Variants in HGSNAT observed in about 807,000 individuals in gnomAD.
HGSNAT encodes the protein transmembrane protein 76.
HGSNAT carries 59 observed loss-of-function variants against 85.2 expected under a neutral mutation model. That is an observed-to-expected ratio of 0.69 (90% confidence interval 0.56 to 0.86). The LOEUF (loss-of-function observed/expected upper bound fraction) is 0.86, where lower values mean the gene tolerates loss of function less well. Among genes scored for constraint, HGSNAT ranks in the 40% least tolerant of loss-of-function variants. The pLI is 0.00. For synonymous variants in HGSNAT, 321 were observed against 304.5 expected (o/e 1.05, Z -0.56); for missense variants, 756 against 777.1 (o/e 0.97, Z 0.32).
At chr8:43,161,410 G>T in intron 4 of HGSNAT, 28 bp from the exon 5 acceptor site, 1 of 1,584,794 alleles carries the variant, frequency 6.3e-7, no homozygotes, top group East Asian at 2.2e-5. Flanking sequence ...ATTTTTGGGG[G>T]CTAATGTGTT....
At chr8:43,193,977 T>G in intron 14 of HGSNAT, 134 bp downstream of exon 14, 1 of 1,435,934 alleles carries the variant, frequency 7.0e-7, no homozygotes, top group South Asian at 1.6e-5. Context: ...TTCTGTTATC[T>G]TTGACAGATT....
rs1368420071 is a variant in HGSNAT at position 43,159,051 on chromosome 8, A to G, written c.493+7A>G. ...CCAGTTGATAGTAACCTTCGTACGT[A>G]TATGTTCTCTGCTGATTTTCACATT... On this transcript the variant is annotated splice_region_variant and intron_variant, in intron 4 of 17. Coordinates refer to ENST00000379644, the MANE Select transcript of HGSNAT (RefSeq NM_152419.3). The G allele has an allele frequency of 1.2e-6, 2 of 1,608,560 alleles. No individual in the cohort carries two copies. The highest frequency in any genetic ancestry group is 1.3e-5 in the African/African-American group (1 of 74,700).
chr8:43,150,662 T>C (rs1307118791), intron 2 of HGSNAT, among the ~76,000 whole-genome samples: 2 of 151,936 alleles, frequency 1.3e-5, no homozygotes, highest in African/African-American at 4.8e-5. Flanking sequence ...TGAAACCCTG[T>C]CTCTACTAAA....
At chr8:43,148,796 GAA>G (rs953905178) in intron 2 of HGSNAT, among the ~76,000 whole-genome samples, 4 of 113,962 alleles carry the variant, frequency 3.5e-5, no homozygotes, top group African/African-American at 9.7e-5. Context: ...TCCGTCTCAA[GAA>G]AAAAAAAAAA....
chr8:43,184,591 G>C (rs1464625335), intron 11 of HGSNAT, among the ~76,000 whole-genome samples: 21 of 152,190 alleles, frequency 1.4e-4, no homozygotes, highest in Non-Finnish European at 2.9e-4. Context: ...TAGGTTGCCT[G>C]TTCACTCTGA....
chr8:43,145,913 T>A (rs1802699376), intron 1 of HGSNAT, among the ~76,000 whole-genome samples: 2 of 152,174 alleles, frequency 1.3e-5, no homozygotes, highest in African/African-American at 2.4e-5. Context: ...CCCATTTTTT[T>A]CTTTTGGGTA....
At chr8:43,192,939 C>T (rs1388149035) in intron 13 of HGSNAT, among the ~76,000 whole-genome samples, 2 of 152,128 alleles carry the variant, frequency 1.3e-5, no homozygotes, top group African/African-American at 4.8e-5. Context: ...GAGGCAGGAC[C>T]GTGCAGAGGG....
At chr8:43,182,115 A>G in intron 10 of HGSNAT, 30 bp from the exon 11 acceptor site, 1 of 1,547,278 alleles carries the variant, frequency 6.5e-7, no homozygotes, top group Non-Finnish European at 8.9e-7. Context: ...AGTCCTGGCT[A>G]ACACTTGACC....
chr8:43,201,349 C>T lies in HGSNAT; in HGVS notation c.*1780C>T, dbSNP rs1058608. 7,008 of 152,736 alleles carry T rather than the reference C, an allele frequency of 0.046. 210 individuals are homozygous for T. The highest frequency in any genetic ancestry group is 0.078 in the South Asian group (378 of 4,822). The allele number at this position is 152,736 out of a possible 1,614,324, so 9.5% of individuals were successfully genotyped here. A position where few individuals can be genotyped will look rare whatever the true frequency, so the allele number is the denominator to read the frequency against. ...TCCCCACACATCTTTCCAGCCTCCC[C>T]TCCCACTCCACTCCCTGCTCTCTCC... is the stretch of plus-strand genomic sequence containing the variant. On this transcript the variant is annotated 3_prime_UTR_variant, in exon 18 of 18. Coordinates refer to ENST00000379644, the MANE Select transcript of HGSNAT (RefSeq NM_152419.3). The surrounding 1 kb of genome is among the most constrained non-coding windows in gnomAD (Gnocchi z 4.4).
chr8:43,197,248 G>C, intron 15 of HGSNAT: 1 of 581,106 alleles, frequency 1.7e-6, no homozygotes, highest in Non-Finnish European at 3.1e-6. Flanking sequence ...TTTGCCATCA[G>C]ATAGCCAGGA....
chr8:43,192,563 T>A (rs1268993952), intron 13 of HGSNAT, 133 bp downstream of exon 13: 2 of 1,017,956 alleles, frequency 2.0e-6, no homozygotes, highest in Non-Finnish European at 2.8e-6. Context: ...ATTTGAAAAG[T>A]CAGCTAACTT....
At chr8:43,191,666 C>T in intron 12 of HGSNAT, 71 bp downstream of exon 12, 9 of 1,557,672 alleles carry the variant, frequency 5.8e-6, no homozygotes, top group South Asian at 3.4e-5. Context: ...TGGGCTTTCA[C>T]AGGTCTCGAG....
At chr8:43,183,623 A>T (rs554108487) in intron 11 of HGSNAT, among the ~76,000 whole-genome samples, 24 of 152,192 alleles carry the variant, frequency 1.6e-4, no homozygotes, top group African/African-American at 5.8e-4. Context: ...GGCGCCCGCC[A>T]CCACTCCCAG....
intron 17 of HGSNAT, among the ~76,000 whole-genome samples, chr8:43,198,183 C>T (rs1419703481): frequency 6.6e-6 from 1 of 151,230 alleles, no homozygotes; most frequent in East Asian, 1.9e-4. Context: ...GTTGTGGAGT[C>T]GTTGTATGAC....
Position 43,197,694 on chromosome 8 carries a change from C to A in HGSNAT, c.1565C>A (p.Thr522Lys). 1 of 1,612,942 alleles carries A rather than the reference C, an allele frequency of 6.2e-7. No homozygotes were observed. Among genetic ancestry groups the A allele is most frequent in the South Asian group, 1.1e-5 (1 of 91,046 alleles). ...CAGGGGCTCATTTCTGTTGCTCTGA[C>A]GAAGGTTTCTGAAAATGAAGGCTTT... Reference protein sequence around the residue: ...CILGLISVALTKVSENEGFIP... With the variant: ...CILGLISVALKKVSENEGFIP... The change falls in exon 16 of 18, where the codon ACG (threonine) becomes AAG (lysine). Residue 522 changes from threonine to lysine, a missense_variant. Transcript: ENST00000379644.
intron 2 of HGSNAT, among the ~76,000 whole-genome samples, chr8:43,156,535 T>G (rs1803100869): frequency 6.6e-6 from 1 of 152,182 alleles, no homozygotes; most frequent in African/African-American, 2.4e-5. Flanking sequence ...TTTTCATGGA[T>G]TTGTACAGTT....
In HGSNAT at chr8:43,199,554, T is replaced by A; in HGVS notation, c.1893T>A (p.Ile631=). The A allele has an allele frequency of 6.5e-7, 1 of 1,549,732 alleles. No individual in the cohort carries two copies. The highest frequency in any genetic ancestry group is 8.7e-7 in the Non-Finnish European group (1 of 1,146,548). ...LIAYILYRKK[I]FWKI ...CCTACATCCTCTATAGAAAGAAGATTTTTTGGAAAATCTGATGGCTCCCAC... is the reference window on the plus strand; with the variant it reads ...CCTACATCCTCTATAGAAAGAAGATATTTTGGAAAATCTGATGGCTCCCAC... The change falls in exon 18 of 18, where the codon ATT becomes ATA. Residue 631 remains isoleucine (I), a synonymous_variant. Transcript: ENST00000379644.
At chr8:43,197,589 A>G in intron 15 of HGSNAT, 83 bp from the exon 16 acceptor site, 2 of 957,042 alleles carry the variant, frequency 2.1e-6, no homozygotes, top group Non-Finnish European at 1.7e-6. Context: ...GTGATTAAAT[A>G]ACTAATATAT....
At chr8:43,192,236 T>C (rs1228878105) in intron 12 of HGSNAT, 68 bp from the exon 13 acceptor site, 1 of 1,533,956 alleles carries the variant, frequency 6.5e-7, no homozygotes, top group African/African-American at 1.4e-5. Flanking sequence ...CCTGAGGTTT[T>C]TTTATTCTTG....
Sources: allele counts gnomAD v4.1 joint callset (sites outside exome capture counted in the v4.1 genomes callset), GRCh38; gene constraint gnomAD v4.1.1; non-coding constraint Gnocchi (gnomAD v3.1); transcripts MANE v1.5; gene names NCBI Gene and HGNC (gene_info 2026-07-23, HGNC 2026-07-21).